Variants in PCDHGB7 observed in about 807,000 individuals in gnomAD.
PCDHGB7 encodes the protein protocadherin gamma subfamily B, 7, also known as protocadherin gamma-B7.
Under a neutral mutation model 61.4 loss-of-function variants are expected in PCDHGB7, and 37 were observed. The observed-to-expected ratio is 0.60, with a 90% confidence interval of 0.46 to 0.79. The LOEUF is 0.79. Ranked by LOEUF, PCDHGB7 falls within the 30% of genes least tolerant of loss-of-function variation. The probability of loss-of-function intolerance (pLI) is 0.00; values close to 1 mark genes in which losing one functional copy is unlikely to be tolerated. For missense variants in PCDHGB7, 1,166 were observed against 1,202.5 expected (o/e 0.97, Z 0.45); for synonymous variants, 464 against 503.5 (o/e 0.92, Z 1.05).
intron 1 of PCDHGB7, among the ~76,000 whole-genome samples, chr5:141,443,728 C>A (rs1434984241): frequency 1.3e-5 from 2 of 152,060 alleles, no homozygotes; most frequent in African/African-American, 2.4e-5. Flanking sequence ...ATTCCTCATA[C>A]ATTTCCCTAT....
At chr5:141,428,018 C>A in intron 1 of PCDHGB7, 12 of 1,604,570 alleles carry the variant, frequency 7.5e-6, no homozygotes, top group Middle Eastern at 1.7e-4. Context: ...TAGTGCCACG[C>A]GCCGCAGAGT....
rs1437409726 is a variant in PCDHGB7, at chr5:141,471,036, C to T, written c.2416-23771C>T. Among the ~76,000 whole-genome samples the T allele has an allele frequency of 2.8e-5, 4 of 144,908 alleles. No homozygotes were observed. The South Asian group carries it at 6.5e-4, about 24-fold the overall frequency. ...CTGGTCAATCATTTTTATTAACAAG[C>T]CCAAGCCCTCTTTTTTTTTTTTTTT... On this transcript the variant is annotated intron_variant, in intron 1 of 3. Transcript: ENST00000398594.
intron 1 of PCDHGB7, among the ~76,000 whole-genome samples, chr5:141,483,459 G>A (rs1214951485): frequency 6.6e-6 from 1 of 152,186 alleles, no homozygotes; most frequent in Non-Finnish European, 1.5e-5. Flanking sequence ...AGGACTTGTT[G>A]ATTGACATGA....
At chr5:141,496,760 G>A (rs144857340) in intron 2 of PCDHGB7, among the ~76,000 whole-genome samples, 4 of 152,108 alleles carry the variant, frequency 2.6e-5, no homozygotes, top group East Asian at 1.9e-4. Context: ...AATATTTATC[G>A]AGCATCTACT....
At chr5:141,492,859 C>G (rs966216924) in intron 1 of PCDHGB7, among the ~76,000 whole-genome samples, 1 of 152,232 alleles carries the variant, frequency 6.6e-6, no homozygotes, top group Non-Finnish European at 1.5e-5. Context: ...CTCGAGCGCC[C>G]TGGCTCTCAA....
Position 141,489,358 on chromosome 5 carries a change from G to C in PCDHGB7, c.2416-5449G>C. 1 of 1,613,144 alleles carries C rather than the reference G, an allele frequency of 6.2e-7. No homozygotes were observed. The highest frequency in any genetic ancestry group is 1.7e-4 in the Middle Eastern group (1 of 6,052). On this transcript the variant is annotated intron_variant, in intron 1 of 3. Coordinates refer to ENST00000398594, the MANE Select transcript of PCDHGB7 (RefSeq NM_018927.4). The surrounding 1 kb of genome is among the most constrained non-coding windows in gnomAD (Gnocchi z 4.5). ...TCGTTACTCAGTGGTGGAGGAGTCT[G>C]AGCCGGGGACGCTGGTGGGGAATGT...
intron 2 of PCDHGB7, among the ~76,000 whole-genome samples, chr5:141,502,024 C>T (rs2099812413): frequency 2.0e-5 from 3 of 152,152 alleles, no homozygotes; most frequent in Admixed American, 1.3e-4. Context: ...TCCCTGCAAC[C>T]CCCGCCGCTT....
At position 141,476,043 on chromosome 5, in the gene PCDHGB7, A is replaced by T. The variant is rs2099384502; in HGVS notation, c.2416-18764A>T. 1 of 1,492,156 alleles carries T rather than the reference A, an allele frequency of 6.7e-7. No individual in the cohort carries two copies. Among genetic ancestry groups the T allele is most frequent in the African/African-American group, 1.4e-5 (1 of 71,628 alleles). The allele number at this position is 1,492,156 out of a possible 1,614,324, so 92.4% of individuals were successfully genotyped here. On this transcript the variant is annotated intron_variant, in intron 1 of 3. Coordinates refer to ENST00000398594, the MANE Select transcript of PCDHGB7 (RefSeq NM_018927.4). The surrounding 1 kb of genome is among the most constrained non-coding windows in gnomAD (Gnocchi z 7.6). ...ACTCGGCGCCCAGCGCCCAAGCGCT[A>T]ACCCGCTGAAAGTTTCTCAGCGAAA...
At chr5:141,473,236 A>G (rs1314160781) in intron 1 of PCDHGB7, among the ~76,000 whole-genome samples, 1 of 152,200 alleles carries the variant, frequency 6.6e-6, no homozygotes, top group Non-Finnish European at 1.5e-5. Flanking sequence ...GGATCCACAC[A>G]AGTGAATACA....
In PCDHGB7 at chr5:141,490,584, T is replaced by C; in HGVS notation, c.2416-4223T>C. The stretch of plus-strand genomic sequence containing the variant: ...TCAGGCTCAACATTTCAGATGTCAA[T>C]GACAATGCACCCCGCTTCAACCAGC... On this transcript the variant is annotated intron_variant, in intron 1 of 3. Coordinates refer to ENST00000398594, the MANE Select transcript of PCDHGB7 (RefSeq NM_018927.4). The surrounding 1 kb of genome is among the most constrained non-coding windows in gnomAD (Gnocchi z 5.4). 6.2e-7 allele frequency: 1 copy of C among 1,614,170 alleles called. No individual in the cohort carries two copies. Among genetic ancestry groups the C allele is most frequent in the South Asian group, 1.1e-5 (1 of 91,080 alleles).
chr5:141,466,197 G>A (rs2099118639), intron 1 of PCDHGB7, among the ~76,000 whole-genome samples: 1 of 151,666 alleles, frequency 6.6e-6, no homozygotes, highest in South Asian at 2.1e-4. Flanking sequence ...TTCAGACACA[G>A]CCTTGCTCTG....
intron 1 of PCDHGB7, among the ~76,000 whole-genome samples, chr5:141,439,279 CT>C (rs2098102664): frequency 6.6e-6 from 1 of 151,930 alleles, no homozygotes; most frequent in African/African-American, 2.4e-5. Flanking sequence ...CATTCTGAGA[CT>C]GTGTTCCATG....
intron 3 of PCDHGB7, among the ~76,000 whole-genome samples, chr5:141,509,700 TGGA>T (rs1407159498): frequency 6.6e-6 from 1 of 152,192 alleles, no homozygotes; most frequent in East Asian, 1.9e-4. Flanking sequence ...GACGTTGGAC[TGGA>T]GGTGCTGTCT....
At chr5:141,447,650 T>TC (rs1036312126) in intron 1 of PCDHGB7, among the ~76,000 whole-genome samples, 5 of 151,988 alleles carry the variant, frequency 3.3e-5, no homozygotes, top group Non-Finnish European at 5.9e-5. Context: ...GGTAGAATTT[T>TC]CCCCCCCAGG....
At position 141,487,510 on chromosome 5, in the gene PCDHGB7, C is replaced by A; in HGVS notation, c.2416-7297C>A. On this transcript the variant is annotated intron_variant, in intron 1 of 3. Transcript: ENST00000398594. The surrounding 1 kb of genome is among the most constrained non-coding windows in gnomAD (Gnocchi z 5.0). ...GCTGTACACCCTTGGCTTCTGCACC[C>A]ACTCGGAGTGATAGCTTCATGATGG... is the stretch of plus-strand genomic sequence containing the variant. The A allele has an allele frequency of 6.2e-7, 1 of 1,614,210 alleles. No homozygotes were observed. Among genetic ancestry groups the A allele is most frequent in the Non-Finnish European group, 8.5e-7 (1 of 1,180,042 alleles).
chr5:141,496,225 G>C (rs112222482), intron 2 of PCDHGB7, among the ~76,000 whole-genome samples: 178 of 152,276 alleles, frequency 1.2e-3, no homozygotes, highest in Non-Finnish European at 1.8e-3. Context: ...TGCTGAGACA[G>C]GAACCCCCTG....
chr5:141,430,715 A>G (rs1210053402), intron 1 of PCDHGB7: 3 of 1,483,264 alleles, frequency 2.0e-6, no homozygotes, highest in East Asian at 4.7e-5. Context: ...TCCTGACTTC[A>G]GTGGTTAAGG....
intron 3 of PCDHGB7, among the ~76,000 whole-genome samples, chr5:141,510,230 G>A (rs1285202719): frequency 2.7e-5 from 4 of 149,638 alleles, no homozygotes; most frequent in Non-Finnish European, 5.9e-5. Context: ...CCGGGATCGC[G>A]CCACTGCACT....
rs966922299 is a variant in PCDHGB7 at position 141,419,528 on chromosome 5, G to A, written c.1669G>A (p.Asp557Asn). The change falls in exon 1 of 4, where the codon GAC (aspartate) becomes AAC (asparagine). Residue 557 changes from aspartate to asparagine, a missense_variant. Transcript: ENST00000398594. ...GCGCGTGTTGGTGGGCGACCGTAAC[G>A]ACAACGCACCGCGGGTGCTGTACCC... Reference protein sequence around the residue: ...SLRVLVGDRNDNAPRVLYPAL... With the variant: ...SLRVLVGDRNNNAPRVLYPAL... The A allele has an allele frequency of 6.2e-6, 10 of 1,612,056 alleles. No individual in the cohort carries two copies. Among genetic ancestry groups the A allele is most frequent in the Admixed American group, 1.7e-5 (1 of 59,964 alleles).
Sources: gnomAD v4.1 joint callset for allele counts (sites outside exome capture counted in the v4.1 genomes callset) on GRCh38, gnomAD v4.1.1 for gene constraint, Gnocchi (gnomAD v3.1) non-coding constraint, MANE v1.5 for transcripts, NCBI Gene and HGNC (gene_info 2026-07-23, HGNC 2026-07-21) for gene names.